Variants in CAMSAP2 observed in about 807,000 individuals in gnomAD.
CAMSAP2 encodes the protein calmodulin regulated spectrin associated protein family member 2.
A neutral mutation model predicts 146.1 loss-of-function variants in CAMSAP2; 26 were observed. That is an observed-to-expected ratio of 0.18 (90% confidence interval 0.13 to 0.25). The LOEUF (loss-of-function observed/expected upper bound fraction) is 0.25. Among genes scored for constraint, CAMSAP2 ranks in the 10% least tolerant of loss-of-function variants. The pLI, the probability that CAMSAP2 is intolerant of heterozygous loss-of-function variation, is 1.00. For missense variants in CAMSAP2, 1,381 were observed against 1,759.3 expected (o/e 0.78, Z 3.85); for synonymous variants, 499 against 596.6 (o/e 0.84, Z 2.38).
At chr1:200,759,831 C>T (rs187313579) in intron 1 of CAMSAP2, among the ~76,000 whole-genome samples, 2 of 151,896 alleles carry the variant, frequency 1.3e-5, no homozygotes, top group East Asian at 1.9e-4. Context: ...TGTCCTGCTT[C>T]GATGAGAGGT....
rs186087269 is a variant in CAMSAP2 at position 200,791,184 on chromosome 1, T to A, written c.400-16192T>A. Among the ~76,000 whole-genome samples the A allele has an allele frequency of 5.3e-5, 8 of 152,346 alleles. No homozygotes were observed. The South Asian group carries it at 1.7e-3, about 32-fold the overall frequency. On this transcript the variant is annotated intron_variant, in intron 2 of 16. Coordinates refer to ENST00000358823, the MANE Select transcript of CAMSAP2 (RefSeq NM_203459.4). ...TGTAGGTTATTTTTGCTGAGTAAGA[T>A]GCATTCTGTGTCTTATGGCTTGCAT...
At chr1:200,828,270 CAT>C (rs1666953582) in intron 4 of CAMSAP2, among the ~76,000 whole-genome samples, 1 of 152,016 alleles carries the variant, frequency 6.6e-6, no homozygotes, top group South Asian at 2.1e-4. Context: ...TTTAATATGA[CAT>C]ATGATTCCAA....
At chr1:200,775,601 C>T (rs1031799134) in intron 2 of CAMSAP2, among the ~76,000 whole-genome samples, 10 of 152,144 alleles carry the variant, frequency 6.6e-5, no homozygotes, top group Non-Finnish European at 1.2e-4. Flanking sequence ...GCAATCTCAG[C>T]TCACTGCAAC....
intron 1 of CAMSAP2, among the ~76,000 whole-genome samples, chr1:200,752,766 G>A (rs914783175): frequency 1.3e-5 from 2 of 151,988 alleles, no homozygotes; most frequent in South Asian, 2.1e-4. Context: ...ACAGGTGCCC[G>A]CCACCACGCA....
At chr1:200,805,139 A>G (rs936249145) in intron 2 of CAMSAP2, among the ~76,000 whole-genome samples, 7 of 152,234 alleles carry the variant, frequency 4.6e-5, no homozygotes, top group African/African-American at 1.7e-4. Context: ...TATGGCACAT[A>G]AGTTAGACTT....
intron 2 of CAMSAP2, among the ~76,000 whole-genome samples, chr1:200,800,964 C>A (rs1186110705): frequency 1.3e-5 from 2 of 152,086 alleles, no homozygotes; most frequent in African/African-American, 2.4e-5. Flanking sequence ...GATGAAAATT[C>A]TTTTCTTTAA....
intron 1 of CAMSAP2, among the ~76,000 whole-genome samples, chr1:200,753,199 G>A (rs968988898): frequency 7.3e-5 from 11 of 151,252 alleles, no homozygotes; most frequent in African/African-American, 2.4e-4. Flanking sequence ...TCGGTAGGCC[G>A]AGGCAGGAGA....
chr1:200,780,331 C>A (rs1436089756), intron 2 of CAMSAP2, among the ~76,000 whole-genome samples: 2 of 152,090 alleles, frequency 1.3e-5, no homozygotes, highest in Admixed American at 1.3e-4. Flanking sequence ...TCAGCTGATA[C>A]AGTTAAAAAA....
chr1:200,829,497 C>T (rs1666987886), intron 4 of CAMSAP2, among the ~76,000 whole-genome samples: 1 of 152,160 alleles, frequency 6.6e-6, no homozygotes, highest in Non-Finnish European at 1.5e-5. Context: ...TCTGTGACCT[C>T]ACCAGTAGCG....
At chr1:200,821,261 C>T (rs1330071796) in intron 4 of CAMSAP2, among the ~76,000 whole-genome samples, 3 of 151,698 alleles carry the variant, frequency 2.0e-5, no homozygotes, top group African/African-American at 7.3e-5. Flanking sequence ...TGGCTCACTG[C>T]AGCCTTGATC....
rs140423055 is a variant in CAMSAP2 at position 200,843,902 on chromosome 1, C to T, written c.1022-880C>T. 6.0e-3 allele frequency among the ~76,000 whole-genome samples: 916 copies of T among 151,556 alleles called. 6 individuals are homozygous for T. Among genetic ancestry groups the T allele is most frequent in the Middle Eastern group, 0.031 (9 of 294 alleles). On this transcript the variant is annotated intron_variant, in intron 7 of 16. Coordinates refer to ENST00000358823, the MANE Select transcript of CAMSAP2 (RefSeq NM_203459.4). ...TTGTTTTGTTTTTGAGATGGAGTCT[C>T]GCTCTGTTGCCCAGGCTGGAGTGCA...
At chr1:200,811,974 G>A (rs532683209) in intron 3 of CAMSAP2, among the ~76,000 whole-genome samples, 1 of 152,148 alleles carries the variant, frequency 6.6e-6, no homozygotes, top group African/African-American at 2.4e-5. Context: ...TTTCTGCATG[G>A]CTTAGTGCTT....
intron 1 of CAMSAP2, among the ~76,000 whole-genome samples, chr1:200,741,722 A>G (rs1179547030): frequency 6.6e-6 from 1 of 152,238 alleles, no homozygotes; most frequent in Non-Finnish European, 1.5e-5. Flanking sequence ...CGTAGATTCT[A>G]GACCACTTGA....
At chr1:200,773,749 G>A (rs1057150834) in intron 2 of CAMSAP2, among the ~76,000 whole-genome samples, 12 of 152,050 alleles carry the variant, frequency 7.9e-5, no homozygotes, top group South Asian at 2.1e-4. Flanking sequence ...GGCTTGGTGC[G>A]GTGGCTCAGG....
At chr1:200,834,853 AG>A (rs1667146126) in intron 6 of CAMSAP2, among the ~76,000 whole-genome samples, 2 of 152,212 alleles carry the variant, frequency 1.3e-5, no homozygotes, top group Non-Finnish European at 2.9e-5. Flanking sequence ...CTGAGACTGC[AG>A]TGAGCCCTGA....
intron 2 of CAMSAP2, among the ~76,000 whole-genome samples, chr1:200,790,498 C>T (rs996063187): frequency 5.3e-5 from 8 of 152,326 alleles, no homozygotes; most frequent in Admixed American, 2.0e-4. Context: ...GAACCTGCAA[C>T]AATTCATCAG....
chr1:200,783,165 T>A (rs1337962431), intron 2 of CAMSAP2, among the ~76,000 whole-genome samples: 2 of 152,218 alleles, frequency 1.3e-5, no homozygotes, highest in Non-Finnish European at 2.9e-5. Flanking sequence ...ACCAGCAATG[T>A]CTGAGCGTTC....
chr1:200,805,434 C>T (rs1023556529), intron 2 of CAMSAP2, among the ~76,000 whole-genome samples: 7 of 152,138 alleles, frequency 4.6e-5, no homozygotes, highest in Non-Finnish European at 8.8e-5. Flanking sequence ...AGATAATATC[C>T]TACAACTGTC....
intron 4 of CAMSAP2, among the ~76,000 whole-genome samples, chr1:200,816,997 T>C (rs1666573148): frequency 7.3e-6 from 1 of 137,772 alleles, no homozygotes; most frequent in Non-Finnish European, 1.6e-5. Flanking sequence ...TATATACATA[T>C]ATGTGTACCC....
Sources: allele counts gnomAD v4.1 joint callset (sites outside exome capture counted in the v4.1 genomes callset), GRCh38; gene constraint gnomAD v4.1.1; transcripts MANE v1.5; gene names NCBI Gene and HGNC (gene_info 2026-07-23, HGNC 2026-07-21).